PARD3: variants seen among roughly 807,000 people sequenced by gnomAD.
The protein encoded by PARD3 is par-3 family cell polarity regulator.
In PARD3, 75 loss-of-function variants were observed where a neutral mutation model predicts 155.4. The observed-to-expected ratio is 0.48, with a 90% CI of 0.40 to 0.58. PARD3 has a LOEUF of 0.58. PARD3 is among the 20% of genes least tolerant of loss of function. The pLI is 0.00. For synonymous variants in PARD3, 576 were observed against 610.5 expected (o/e 0.94, Z 0.83); for missense variants, 1,642 against 1,721.7 (o/e 0.95, Z 0.82).
chr10:34,805,955 C>T lies in PARD3; in HGVS notation c.120+8921G>A, dbSNP rs944476168. Among the ~76,000 whole-genome samples the T allele has an allele frequency of 2.0e-5, 3 of 150,802 alleles. No homozygotes were observed. In the East Asian group the frequency reaches 5.9e-4, roughly 30 times the overall value. On this transcript the variant is annotated intron_variant, in intron 1 of 24. Transcript: ENST00000374788. ...TCACGTCACTGCACTCCAGCCTGGG[C>T]GACAGAGCGAGACTCCGTCTCAAAA... is the stretch of plus-strand genomic sequence containing the variant.
chr10:34,157,783 C>T (rs898310256), intron 22 of PARD3, among the ~76,000 whole-genome samples: 2 of 152,084 alleles, frequency 1.3e-5, no homozygotes, highest in Admixed American at 6.6e-5. Flanking sequence ...ACACATAAAA[C>T]GGTGACATAA....
chr10:34,370,191 G>C (rs542318526), intron 12 of PARD3, among the ~76,000 whole-genome samples: 1 of 151,946 alleles, frequency 6.6e-6, no homozygotes, highest in South Asian at 2.1e-4. Context: ...TGGGAAACTC[G>C]TATTAGAAAA....
intron 22 of PARD3, among the ~76,000 whole-genome samples, chr10:34,200,575 A>G (rs1951164468): frequency 1.3e-5 from 2 of 152,198 alleles, no homozygotes; most frequent in Non-Finnish European, 2.9e-5. Context: ...CCCTCTGCCC[A>G]TCCATCACAT....
At chr10:34,136,784 C>G (rs113690420) in intron 22 of PARD3, among the ~76,000 whole-genome samples, 1 of 152,198 alleles carries the variant, frequency 6.6e-6, no homozygotes, top group Non-Finnish European at 1.5e-5. Flanking sequence ...TTCCTTGCAG[C>G]CTTTCCTCAC....
intron 22 of PARD3, among the ~76,000 whole-genome samples, chr10:34,154,000 C>T (rs867678255): frequency 1.2e-4 from 19 of 152,266 alleles, no homozygotes; most frequent in Middle Eastern, 3.4e-3. Context: ...TTACCACTAG[C>T]GGCATTGAAG....
chr10:34,388,627 C>T lies in PARD3; in HGVS notation c.891-4373G>A, dbSNP rs147373450. Among the ~76,000 whole-genome samples, 737 of 152,272 alleles carry T rather than the reference C, an allele frequency of 4.8e-3. 4 individuals carry two copies. Among genetic ancestry groups the T allele is most frequent in the Non-Finnish European group, 7.8e-3 (533 of 68,004 alleles). On this transcript the variant is annotated intron_variant, in intron 7 of 24. Transcript: ENST00000374788. ...CCAACTGCCTATGGTATGGCTGCTG[C>T]AACAGTTTTATTAGAGAAAGTAATC...
chr10:34,536,912 A>C (rs2083270873), intron 2 of PARD3, among the ~76,000 whole-genome samples: 1 of 152,252 alleles, frequency 6.6e-6, no homozygotes, highest in Non-Finnish European at 1.5e-5. Flanking sequence ...TGAGGCCCCT[A>C]GGTGGGTAAC....
intron 5 of PARD3, among the ~76,000 whole-genome samples, chr10:34,423,573 T>C (rs944360643): frequency 6.6e-6 from 1 of 152,164 alleles, no homozygotes; most frequent in African/African-American, 2.4e-5. Flanking sequence ...GTGCACAATA[T>C]ATACATTTTT....
intron 1 of PARD3, among the ~76,000 whole-genome samples, chr10:34,709,776 G>A (rs2094424009): frequency 6.6e-6 from 1 of 152,088 alleles, no homozygotes; most frequent in African/African-American, 2.4e-5. Context: ...GTCATCCCGG[G>A]GCCTCCTATC....
chr10:34,537,659 TC>T (rs2083315048), intron 2 of PARD3, among the ~76,000 whole-genome samples: 1 of 152,026 alleles, frequency 6.6e-6, no homozygotes, highest in Admixed American at 6.6e-5. Context: ...CATACACCAG[TC>T]CCCACAGACC....
intron 2 of PARD3, among the ~76,000 whole-genome samples, chr10:34,660,831 C>T (rs2093305881): frequency 6.6e-6 from 1 of 152,122 alleles, no homozygotes. Context: ...CTATGCTTGG[C>T]TGTTTCCAGA....
Position 34,347,704 on chromosome 10 carries a change from C to T in PARD3, c.2218+261G>A, listed in dbSNP as rs754488203. Among the ~76,000 whole-genome samples the T allele has an allele frequency of 3.3e-5, 5 of 152,238 alleles. No homozygotes were observed. In the South Asian group the frequency reaches 1.0e-3, roughly 32 times the overall value. On this transcript the variant is annotated intron_variant, in intron 15 of 24. Coordinates refer to ENST00000374788, the MANE Select transcript of PARD3 (RefSeq NM_001184785.2). ...TATCTTGATCACTAGAAAACATTTCCATATGATCCCTTTCTTTTTGGTTGC... is the reference window on the plus strand; with the variant it reads ...TATCTTGATCACTAGAAAACATTTCTATATGATCCCTTTCTTTTTGGTTGC...
At chr10:34,364,636 G>T (rs1375216941) in intron 12 of PARD3, among the ~76,000 whole-genome samples, 2 of 152,022 alleles carry the variant, frequency 1.3e-5, no homozygotes, top group Non-Finnish European at 1.5e-5. Context: ...GTCTTGATAT[G>T]TTGCCCATGC....
intron 2 of PARD3, among the ~76,000 whole-genome samples, chr10:34,607,496 A>C (rs769664916): frequency 1.4e-4 from 21 of 152,154 alleles, no homozygotes; most frequent in Non-Finnish European, 2.8e-4. Flanking sequence ...TGTAGAATGA[A>C]TGGATTTAAA....
intron 22 of PARD3, among the ~76,000 whole-genome samples, chr10:34,211,734 C>T (rs186656621): frequency 0.014 from 2,165 of 151,680 alleles, 19 homozygotes; most frequent in Non-Finnish European, 0.024. Context: ...GAGCCGAGAT[C>T]GAGCCACTGC....
At chr10:34,749,502 T>C (rs898981792) in intron 1 of PARD3, among the ~76,000 whole-genome samples, 1 of 151,450 alleles carries the variant, frequency 6.6e-6, no homozygotes, top group African/African-American at 2.4e-5. Flanking sequence ...ATATAAATTA[T>C]AACCAGTTTA....
At chr10:34,124,513 A>G (rs906872432) in intron 23 of PARD3, among the ~76,000 whole-genome samples, 1 of 152,230 alleles carries the variant, frequency 6.6e-6, no homozygotes, top group Admixed American at 6.5e-5. Context: ...AGACTTATGT[A>G]CAACCTTTAA....
intron 22 of PARD3, among the ~76,000 whole-genome samples, chr10:34,268,362 T>G (rs1050019365): frequency 1.9e-4 from 29 of 150,970 alleles, no homozygotes; most frequent in African/African-American, 5.9e-4. Flanking sequence ...ATTGTGGAAG[T>G]CAGTGTGGCG....
intron 22 of PARD3, among the ~76,000 whole-genome samples, chr10:34,194,570 T>C (rs1209019698): frequency 1.3e-5 from 2 of 150,246 alleles, no homozygotes; most frequent in African/African-American, 4.9e-5. Context: ...TTTCGTAAAA[T>C]AACTCAAGAC....
Sources: allele counts gnomAD v4.1 joint callset (sites outside exome capture counted in the v4.1 genomes callset), GRCh38; gene constraint gnomAD v4.1.1; transcripts MANE v1.5; gene names NCBI Gene and HGNC (gene_info 2026-07-23, HGNC 2026-07-21).